The following CDH20 variants were observed in gnomAD, a reference collection of about 807,000 sequenced individuals.
The protein encoded by CDH20 is cadherin-20.
In CDH20, 29 loss-of-function variants were observed where a neutral mutation model predicts 74.2. The observed-to-expected ratio is 0.39, with a 90% CI of 0.29 to 0.53. The LOEUF (loss-of-function observed/expected upper bound fraction) is 0.53, where lower values mean the gene tolerates loss of function less well. CDH20 is among the 20% of genes least tolerant of loss of function. The pLI is 0.69. For synonymous variants in CDH20, 469 were observed against 405.4 expected (o/e 1.16, Z -1.88); for missense variants, 988 against 1,048.3 (o/e 0.94, Z 0.79).
chr18:61,543,095 G>A (rs916013600), intron 9 of CDH20, among the ~76,000 whole-genome samples: 1 of 152,132 alleles, frequency 6.6e-6, no homozygotes, highest in Non-Finnish European at 1.5e-5. Context: ...GGTAGGTGAC[G>A]GGGAAAAATC....
rs543287732 is a variant in CDH20 at position 61,436,998 on chromosome 18, T to C, written c.-152-53404T>C. Among the ~76,000 whole-genome samples, 5 of 152,266 alleles carry C rather than the reference T, an allele frequency of 3.3e-5. No individual in the cohort carries two copies. In the South Asian group the frequency reaches 1.0e-3, roughly 32 times the overall value. On this transcript the variant is annotated intron_variant, in intron 1 of 11. Transcript: ENST00000262717. ...GTGTTCCTATATCATAAAGTTAACATGAGGAATATAAAAGAAGTAGAACTA... is the reference window on the plus strand; with the variant it reads ...GTGTTCCTATATCATAAAGTTAACACGAGGAATATAAAAGAAGTAGAACTA...
At chr18:61,348,020 A>G (rs997457134) in intron 1 of CDH20, among the ~76,000 whole-genome samples, 1 of 152,196 alleles carries the variant, frequency 6.6e-6, no homozygotes, top group African/African-American at 2.4e-5. Context: ...TTACCTTTGC[A>G]AAGTTTGGCT....
At chr18:61,506,407 G>A (rs922247434) in intron 5 of CDH20, among the ~76,000 whole-genome samples, 2 of 152,140 alleles carry the variant, frequency 1.3e-5, no homozygotes, top group African/African-American at 4.8e-5. Context: ...AGCTGGCTGG[G>A]TGCTGTCAAC....
chr18:61,454,451 T>G (rs1171601142), intron 1 of CDH20, among the ~76,000 whole-genome samples: 2 of 152,204 alleles, frequency 1.3e-5, no homozygotes, highest in African/African-American at 2.4e-5. Context: ...TAAAAACTTA[T>G]TTTCGTTTAT....
chr18:61,470,095 T>C (rs1415937068), intron 1 of CDH20, among the ~76,000 whole-genome samples: 1 of 152,172 alleles, frequency 6.6e-6, no homozygotes, highest in East Asian at 1.9e-4. Flanking sequence ...ACATCTTTTG[T>C]TCTCACCTCT....
At chr18:61,345,343 G>C (rs183242962) in intron 1 of CDH20, among the ~76,000 whole-genome samples, 1 of 152,266 alleles carries the variant, frequency 6.6e-6, no homozygotes, top group East Asian at 1.9e-4. Context: ...CTCTTGGTGG[G>C]ATGGTTATTT....
At chr18:61,511,985 A>T (rs944390860) in intron 6 of CDH20, among the ~76,000 whole-genome samples, 14 of 152,354 alleles carry the variant, frequency 9.2e-5, no homozygotes, top group Admixed American at 2.6e-4. Flanking sequence ...ACGCCTTTGC[A>T]ACAACATTCA....
intron 1 of CDH20, among the ~76,000 whole-genome samples, chr18:61,343,957 C>T (rs1388938065): frequency 1.3e-5 from 2 of 152,004 alleles, no homozygotes; most frequent in African/African-American, 2.4e-5. Context: ...CAGAGGGGAA[C>T]GTGCAGATGA....
chr18:61,373,733 CCTT>C (rs1568115402), intron 1 of CDH20, among the ~76,000 whole-genome samples: 1 of 152,180 alleles, frequency 6.6e-6, no homozygotes, highest in African/African-American at 2.4e-5. Context: ...CCACCTGCCT[CCTT>C]CTTGCCTTGG....
rs138225361 is a variant in CDH20, at chr18:61,522,850, C to T, written c.1018-5117C>T. 9.3e-3 allele frequency among the ~76,000 whole-genome samples: 1,412 copies of T among 152,294 alleles called. 28 individuals carry two copies. The highest frequency in any genetic ancestry group is 0.032 in the African/African-American group (1,312 of 41,556). ...TAGTTAATAAATGATGTTGGGAAAA[C>T]TGGCTAGCCATATGCAGAAAACTGA... On this transcript the variant is annotated intron_variant, in intron 6 of 11. Transcript: ENST00000262717.
chr18:61,550,543 C>G (rs143169335), intron 11 of CDH20, among the ~76,000 whole-genome samples: 52 of 152,326 alleles, frequency 3.4e-4, no homozygotes, highest in African/African-American at 1.2e-3. Context: ...AAAGCAGGTT[C>G]ATTTTGACAT....
intron 1 of CDH20, among the ~76,000 whole-genome samples, chr18:61,374,393 A>G (rs958877608): frequency 6.6e-6 from 1 of 152,156 alleles, no homozygotes; most frequent in Non-Finnish European, 1.5e-5. Context: ...CAAAAAACAA[A>G]GTACAACTCC....
chr18:61,520,320 A>AAAT (rs1912158715), intron 6 of CDH20, among the ~76,000 whole-genome samples: 1 of 69,812 alleles, frequency 1.4e-5, no homozygotes, highest in Non-Finnish European at 3.3e-5. Context: ...CGTCTCAAAA[A>AAAT]AAAAAAAAAA....
chr18:61,554,628 G>A lies in CDH20; in HGVS notation c.2339G>A (p.Trp780Ter). ...CAGAGCTTCGACTTCCTGACGGACT[G>A]GGGGCCCCGCTTCCGGAAGCTGGCC... The part of the protein sequence containing the change: ...SEQSFDFLTD[W>*]GPRFRKLAEL... The change falls in exon 12 of 12, where the codon TGG (tryptophan) becomes TAG (stop). Residue 780 changes from tryptophan to a stop codon, truncating the protein, a stop_gained. Coordinates refer to ENST00000262717, the MANE Select transcript of CDH20 (RefSeq NM_031891.4). LOFTEE classifies it high-confidence loss of function. 1.2e-6 allele frequency: 2 copies of A among 1,603,762 alleles called. No individual in the cohort carries two copies. The highest frequency in any genetic ancestry group is 1.7e-6 in the Non-Finnish European group (2 of 1,175,712).
intron 6 of CDH20, among the ~76,000 whole-genome samples, chr18:61,515,078 G>A (rs1911940301): frequency 6.6e-6 from 1 of 152,142 alleles, no homozygotes; most frequent in Non-Finnish European, 1.5e-5. Flanking sequence ...CCTGGGCAAT[G>A]GCGGGCGCCC....
chr18:61,343,465 CCGCTCTGCTGGAG>C (rs1459747448), intron 1 of CDH20, among the ~76,000 whole-genome samples: 1 of 152,166 alleles, frequency 6.6e-6, no homozygotes, highest in Admixed American at 6.5e-5. Context: ...CTACCCAAGA[CCGCTCTGCTGGAG>C]AAAGGCAGAC....
intron 1 of CDH20, among the ~76,000 whole-genome samples, chr18:61,442,370 G>GAAAA (rs35527064): frequency 2.1e-5 from 3 of 142,280 alleles, no homozygotes; most frequent in African/African-American, 7.8e-5. Context: ...AAAAAGAAAA[G>GAAAA]AAAAAAAAAA....
chr18:61,507,427 G>A lies in CDH20; in HGVS notation c.884G>A (p.Arg295Lys). Reference sequence around the variant, plus strand: ...GCTCCAATTAGCTCCACTGTCGGGAGAGTGTTTGCCAAGGACTTGGATGAA... The same window carrying A: ...GCTCCAATTAGCTCCACTGTCGGGAAAGTGTTTGCCAAGGACTTGGATGAA... Reference protein sequence around the residue: ...ESAPISSTVGRVFAKDLDEGI... With the variant: ...ESAPISSTVGKVFAKDLDEGI... Residue 295 changes from arginine to lysine, a missense_variant, in exon 6 of 12, where the codon AGA becomes AAA. By Grantham distance (26) the Arg-to-Lys change is conservative (BLOSUM62 2). Coordinates refer to ENST00000262717, the MANE Select transcript of CDH20 (RefSeq NM_031891.4). 6.2e-7 allele frequency: 1 copy of A among 1,614,146 alleles called. No homozygotes were observed. The highest frequency in any genetic ancestry group is 8.5e-7 in the Non-Finnish European group (1 of 1,180,002).
Position 61,404,984 on chromosome 18 carries a change from G to A in CDH20, c.-153+71157G>A, listed in dbSNP as rs188919303. 5.9e-4 allele frequency: 416 copies of A among 710,546 alleles called. 1 individual carries two copies. Among genetic ancestry groups the A allele is most frequent in the East Asian group, 4.9e-4 (18 of 37,044 alleles). 44.0% of individuals were successfully genotyped at this position (710,546 alleles called of 1,614,324 possible). A position where few individuals can be genotyped will look rare whatever the true frequency, so the allele number is the denominator to read the frequency against. On this transcript the variant is annotated intron_variant, in intron 1 of 11. Coordinates refer to ENST00000262717, the MANE Select transcript of CDH20 (RefSeq NM_031891.4). ...CGCCCAGTTCAATATTATTGCCACTGTAGTGATGGACACCAGTTTTGACCA... is the reference window on the plus strand; with the variant it reads ...CGCCCAGTTCAATATTATTGCCACTATAGTGATGGACACCAGTTTTGACCA...
Sources: gnomAD v4.1 joint callset for allele counts (sites outside exome capture counted in the v4.1 genomes callset) on GRCh38, gnomAD v4.1.1 for gene constraint, MANE v1.5 for transcripts, NCBI Gene and HGNC (gene_info 2026-07-23, HGNC 2026-07-21) for gene names.